SLIT3: variants seen among roughly 807,000 people sequenced by gnomAD.
The protein encoded by SLIT3 is slit homolog 3 protein.
A neutral mutation model predicts 184.0 loss-of-function variants in SLIT3; 68 were observed. The observed-to-expected ratio is 0.37, with a 90% CI of 0.30 to 0.45. The LOEUF is 0.45. SLIT3 is among the 20% of genes least tolerant of loss of function. The probability of loss-of-function intolerance (pLI) is 1.00; values close to 1 mark genes in which losing one functional copy is unlikely to be tolerated. For synonymous variants in SLIT3, 831 were observed against 828.6 expected (o/e 1.00, Z -0.05); for missense variants, 1,707 against 2,026.0 (o/e 0.84, Z 3.02).
Position 169,251,488 on chromosome 5 carries a change from T to A in SLIT3, c.198-29A>T, listed in dbSNP as rs773473754. On this transcript the variant is annotated intron_variant, in intron 1 of 35. Transcript: ENST00000519560. ...CAATGGAGAGCAAATTCAGGTCAGA[T>A]TTTTGTGGGTTACAATTACGGTCTA... 3 of 1,476,886 alleles carry A rather than the reference T, an allele frequency of 2.0e-6. No homozygotes were observed. The East Asian group carries it at 6.8e-5, about 33-fold the overall frequency. The allele number at this position is 1,476,886 out of a possible 1,614,324, so 91.5% of individuals were successfully genotyped here. A position where few individuals can be genotyped will look rare whatever the true frequency, so the allele number is the denominator to read the frequency against.
At chr5:168,687,461 A>C (rs551317272) in intron 29 of SLIT3, among the ~76,000 whole-genome samples, 1 of 152,080 alleles carries the variant, frequency 6.6e-6, no homozygotes, top group African/African-American at 2.4e-5. Flanking sequence ...CTGAGTTCTC[A>C]CTGAGGCCTC....
In SLIT3 at chr5:168,823,315, T is replaced by C; in HGVS notation, c.574A>G (p.Asn192Asp). 6.2e-7 allele frequency: 1 copy of C among 1,613,702 alleles called. No homozygotes were observed. Among genetic ancestry groups the C allele is most frequent in the Admixed American group, 1.7e-5 (1 of 59,996 alleles). ...DLEILTLNNNNISRILVTSFN... is the reference protein window; with the variant it reads ...DLEILTLNNNDISRILVTSFN... The stretch of plus-strand genomic sequence containing the variant: ...CTGGTGACCAGGATGCGACTGATGT[T>C]GTTGTTGTTGAGGGTACTGTGGAGA... Residue 192 changes from asparagine (N) to aspartate (D), a missense_variant, in exon 7 of 36, where the codon AAC becomes GAC. Asn to Asp is a conservative substitution (Grantham distance 23). This residue lies in a region of SLIT3 where 1,307 missense variants were observed against 1,511.6 expected (regional missense o/e 0.86). Coordinates refer to ENST00000519560, the MANE Select transcript of SLIT3 (RefSeq NM_003062.4).
chr5:168,954,108 C>A (rs761085554), intron 4 of SLIT3, among the ~76,000 whole-genome samples: 2 of 152,056 alleles, frequency 1.3e-5, no homozygotes, highest in Non-Finnish European at 2.9e-5. Flanking sequence ...GATGATCAAG[C>A]GTCGGGAGGA....
intron 20 of SLIT3, among the ~76,000 whole-genome samples, chr5:168,743,190 A>G (rs1763690854): frequency 6.6e-6 from 1 of 152,130 alleles, no homozygotes; most frequent in African/African-American, 2.4e-5. Flanking sequence ...ATCTGAGGGT[A>G]CTGCGTACCT....
intron 14 of SLIT3, among the ~76,000 whole-genome samples, chr5:168,768,529 C>T (rs1171338765): frequency 2.0e-5 from 3 of 152,208 alleles, no homozygotes; most frequent in African/African-American, 7.2e-5. Flanking sequence ...AAAGAAAGAA[C>T]ACTCAGACAT....
intron 26 of SLIT3, among the ~76,000 whole-genome samples, chr5:168,705,449 T>A (rs1447756345): frequency 1.3e-5 from 2 of 152,158 alleles, no homozygotes; most frequent in Non-Finnish European, 1.5e-5. Context: ...ATCATCATCA[T>A]CACCACCATC....
chr5:169,287,513 A>C (rs1376568818), intron 1 of SLIT3, among the ~76,000 whole-genome samples: 1 of 152,222 alleles, frequency 6.6e-6, no homozygotes, highest in Non-Finnish European at 1.5e-5. Flanking sequence ...GGCAGACCAC[A>C]CCAGGAAGCT....
chr5:169,103,831 T>G (rs1057504519), intron 4 of SLIT3, among the ~76,000 whole-genome samples: 1 of 151,752 alleles, frequency 6.6e-6, no homozygotes, highest in Non-Finnish European at 1.5e-5. Flanking sequence ...CCCGACCTCG[T>G]CTCTCACCAG....
intron 10 of SLIT3, among the ~76,000 whole-genome samples, chr5:168,793,412 T>C (rs1000242841): frequency 2.6e-5 from 4 of 152,158 alleles, no homozygotes; most frequent in Non-Finnish European, 5.9e-5. Context: ...TCCCAAACCA[T>C]TGATTGCACT....
intron 5 of SLIT3, among the ~76,000 whole-genome samples, chr5:168,859,144 T>C (rs1759010524): frequency 1.3e-5 from 2 of 152,130 alleles, no homozygotes; most frequent in African/African-American, 4.8e-5. Context: ...GACTTTTCCT[T>C]GGGTCAGCAC....
chr5:169,129,769 T>C (rs1761222940), intron 4 of SLIT3, among the ~76,000 whole-genome samples: 1 of 152,090 alleles, frequency 6.6e-6, no homozygotes, highest in Admixed American at 6.6e-5. Flanking sequence ...GACACCAAAA[T>C]ATAGTTTGGA....
chr5:169,139,099 C>T (rs1421487384), intron 4 of SLIT3, among the ~76,000 whole-genome samples: 4 of 152,214 alleles, frequency 2.6e-5, no homozygotes, highest in Non-Finnish European at 5.9e-5. Context: ...TCCTCTGTCA[C>T]TGGTGATTTC....
At chr5:168,762,450 G>T in intron 15 of SLIT3, 89 bp downstream of exon 15, 1 of 1,407,530 alleles carries the variant, frequency 7.1e-7, no homozygotes, top group East Asian at 2.3e-5. Flanking sequence ...AGCCAGGAAG[G>T]GGTCACCGCC....
chr5:169,233,382 G>A (rs1240308320), intron 3 of SLIT3, among the ~76,000 whole-genome samples: 1 of 146,960 alleles, frequency 6.8e-6, no homozygotes, highest in Non-Finnish European at 1.5e-5. Flanking sequence ...CCAATTGTTT[G>A]TTGTTGGTAT....
At chr5:168,893,490 G>A (rs1760546175) in intron 4 of SLIT3, among the ~76,000 whole-genome samples, 1 of 152,166 alleles carries the variant, frequency 6.6e-6, no homozygotes, top group Non-Finnish European at 1.5e-5. Context: ...GGAAGGCAGG[G>A]GAAGGCAGGG....
At chr5:168,813,900 T>A (rs1344503705) in intron 8 of SLIT3, among the ~76,000 whole-genome samples, 1 of 152,234 alleles carries the variant, frequency 6.6e-6, no homozygotes, top group African/African-American at 2.4e-5. Flanking sequence ...GCTTTTCTTA[T>A]GCTGCCTGGA....
intron 11 of SLIT3, among the ~76,000 whole-genome samples, chr5:168,789,190 G>A (rs550133676): frequency 2.1e-5 from 3 of 146,304 alleles, no homozygotes; most frequent in Non-Finnish European, 3.0e-5. Context: ...AAGGCCAAGC[G>A]GTAATAAACA....
chr5:168,775,203 A>G lies in SLIT3; in HGVS notation c.1152-825T>C, dbSNP rs376517738. 7.3e-5 allele frequency among the ~76,000 whole-genome samples: 11 copies of G among 151,552 alleles called. No homozygotes were observed. In the East Asian group the frequency reaches 2.1e-3, roughly 29 times the overall value. On this transcript the variant is annotated intron_variant, in intron 12 of 35. Coordinates refer to ENST00000519560, the MANE Select transcript of SLIT3 (RefSeq NM_003062.4). The stretch of plus-strand genomic sequence containing the variant: ...CAGGTGTGCACCACCACGCCCAGCT[A>G]ATTTTTGTATTTTTAGTAGAGACGG...
At chr5:169,187,095 G>A (rs1040541472) in intron 4 of SLIT3, among the ~76,000 whole-genome samples, 2 of 141,960 alleles carry the variant, frequency 1.4e-5, no homozygotes, top group African/African-American at 2.6e-5. Context: ...GAGTACAACT[G>A]CTTATGCAGC....
Sources: gnomAD v4.1 joint callset for allele counts (sites outside exome capture counted in the v4.1 genomes callset) on GRCh38, gnomAD v4.1.1 for gene constraint, gnomAD v4.1.1 regional missense constraint, MANE v1.5 for transcripts, NCBI Gene and HGNC (gene_info 2026-07-23, HGNC 2026-07-21) for gene names.